TMX2: variants seen among roughly 807,000 people sequenced by gnomAD.
TMX2 encodes the protein thioredoxin related transmembrane protein 2.
In TMX2, 20 loss-of-function variants were observed where a neutral mutation model predicts 33.4. The ratio of observed to expected loss-of-function variants is 0.60; its 90% CI spans 0.42 to 0.87. The LOEUF is 0.87. Among genes scored for constraint, TMX2 ranks in the 40% least tolerant of loss-of-function variants. The probability of loss-of-function intolerance (pLI) is 0.00; values close to 1 mark genes in which losing one functional copy is unlikely to be tolerated. For synonymous variants in TMX2, 166 were observed against 140.7 expected, an observed-to-expected ratio of 1.18 and a Z score of -1.27; for missense variants, 340 against 370.7, an observed-to-expected ratio of 0.92 and a Z score of 0.68.
At chr11:57,733,526 C>T (rs1290208179) in intron 1 of TMX2, among the ~76,000 whole-genome samples, 3 of 151,388 alleles carry the variant, frequency 2.0e-5, no homozygotes, top group Non-Finnish European at 2.9e-5. Flanking sequence ...CAAAGTGCTG[C>T]GATTACAGGC....
intron 1 of TMX2, among the ~76,000 whole-genome samples, chr11:57,736,627 C>G (rs774943607): frequency 6.6e-6 from 1 of 152,028 alleles, no homozygotes; most frequent in African/African-American, 2.4e-5. Flanking sequence ...GTGGCTCACA[C>G]CTGTAATCCC....
chr11:57,716,472 CG>C (rs1947056717), intron 1 of TMX2, among the ~76,000 whole-genome samples: 1 of 120,730 alleles, frequency 8.3e-6, no homozygotes, highest in African/African-American at 3.1e-5. Flanking sequence ...CCGGACGGGG[CG>C]GCTGGCCGGG....
intron 1 of TMX2, among the ~76,000 whole-genome samples, chr11:57,719,886 C>T (rs575864246): frequency 1.3e-5 from 2 of 152,204 alleles, no homozygotes; most frequent in Admixed American, 6.5e-5. Context: ...TTCTCCAAAA[C>T]TGGTTGTTCC....
Position 57,739,171 on chromosome 11 carries a change from A to G in TMX2, c.655A>G (p.Thr219Ala). The part of the protein sequence containing the change: ...STSPLTKQLP[T>A]LILFQGGKEA... ...ATCACCCCTCACCAAGCAACTCCCT[A>G]CCCTGATCCTGTTCCAAGGTGGCAA... Residue 219 changes from threonine (T) to alanine (A), a missense_variant, in exon 7 of 8, where the codon ACC becomes GCC. By Grantham distance (58) the Thr-to-Ala change is moderately conservative. Around this residue, in one of 3 missense-constraint regions of TMX2, gnomAD observed 209 missense variants for 241.6 expected, o/e 0.87. Transcript: ENST00000278422. 6.2e-7 allele frequency: 1 copy of G among 1,614,062 alleles called. No homozygotes were observed. The highest frequency in any genetic ancestry group is 1.1e-5 in the South Asian group (1 of 91,070).
At chr11:57,734,204 C>T (rs1417249342) in intron 1 of TMX2, among the ~76,000 whole-genome samples, 1 of 145,490 alleles carries the variant, frequency 6.9e-6, no homozygotes, top group Non-Finnish European at 1.5e-5. Context: ...CAAGGGCACA[C>T]ACTTTCTTAA....
chr11:57,714,799 G>T (rs192641012), intron 1 of TMX2, among the ~76,000 whole-genome samples: 1 of 151,860 alleles, frequency 6.6e-6, no homozygotes, highest in Non-Finnish European at 1.5e-5. Context: ...TCTTGATGTT[G>T]CCCAGGCTGG....
rs367976242 is a variant in TMX2 at position 57,738,614 on chromosome 11, C to T, written c.442-50C>T. 84 of 1,519,116 alleles carry T rather than the reference C, an allele frequency of 5.5e-5. No homozygotes were observed. The African/African-American group carries it at 1.0e-3, about 18-fold the overall frequency. 94.1% of individuals were successfully genotyped at this position (1,519,116 alleles called of 1,614,324 possible). On this transcript the variant is annotated intron_variant, in intron 4 of 7. Transcript: ENST00000278422. ...AATTAGATGCTAAAGTCTGAACCTT[C>T]CCAGGAGGCTATGTGGATCCAGCTG...
intron 1 of TMX2, among the ~76,000 whole-genome samples, chr11:57,721,767 A>G (rs1016230389): frequency 5.9e-5 from 9 of 152,176 alleles, no homozygotes; most frequent in African/African-American, 2.2e-4. Context: ...AAAATAGGCT[A>G]AGATAGCGAA....
rs60802364 is a variant in TMX2, at chr11:57,734,157, CAAAAAAAAAAAAAAAAAA to C, written c.190-3438_190-3421del. Among the ~76,000 whole-genome samples the C allele has an allele frequency of 4.6e-4, 23 of 49,764 alleles. No homozygotes were observed. In the South Asian group the frequency reaches 0.017, roughly 36 times the overall value. 32.6% of individuals were successfully genotyped at this position (49,764 alleles called of 152,430 possible). On this transcript the variant is annotated intron_variant, in intron 1 of 7. Coordinates refer to ENST00000278422, the MANE Select transcript of TMX2 (RefSeq NM_015959.4). ...CTGGGTGACAGAGAGACCCTGTCTC[CAAAAAAAAAAAAAAAAAA>C]AAAAAAAAAAAAGGACTGCAAGGGC...
intron 1 of TMX2, among the ~76,000 whole-genome samples, chr11:57,726,524 C>G (rs1196616048): frequency 1.3e-5 from 2 of 151,108 alleles, no homozygotes; most frequent in Admixed American, 1.3e-4. Context: ...GAATGCCTGT[C>G]CACATCCATT....
intron 1 of TMX2, among the ~76,000 whole-genome samples, chr11:57,725,886 A>T (rs1257416405): frequency 6.6e-6 from 1 of 152,224 alleles, no homozygotes; most frequent in Non-Finnish European, 1.5e-5. Context: ...TTTTCTGCTT[A>T]CTATAAAATT....
chr11:57,716,725 C>T (rs1461691903), intron 1 of TMX2, among the ~76,000 whole-genome samples: 2 of 148,234 alleles, frequency 1.3e-5, no homozygotes, highest in African/African-American at 5.0e-5. Flanking sequence ...GACTCCCCCA[C>T]CTCCCTCCCG....
Position 57,729,132 on chromosome 11 carries a change from A to T in TMX2, c.190-8476A>T, listed in dbSNP as rs573265801. 3.3e-5 allele frequency among the ~76,000 whole-genome samples: 5 copies of T among 152,240 alleles called. No homozygotes were observed. In the East Asian group the frequency reaches 5.8e-4, roughly 18 times the overall value. ...TCAGCTCCTCTAAGGAGAAAAAAAA[A>T]AGGCGAGAAACAAATCTAAGACTAA... is the stretch of plus-strand genomic sequence containing the variant. On this transcript the variant is annotated intron_variant, in intron 1 of 7. Transcript: ENST00000278422.
At chr11:57,723,898 T>A (rs1365920664) in intron 1 of TMX2, among the ~76,000 whole-genome samples, 36 of 150,834 alleles carry the variant, frequency 2.4e-4, no homozygotes, top group South Asian at 8.3e-4. Flanking sequence ...ATTTTTTTTT[T>A]TTAAAAAGGA....
chr11:57,715,214 A>G (rs2135447457), intron 1 of TMX2, among the ~76,000 whole-genome samples: 1 of 152,166 alleles, frequency 6.6e-6, no homozygotes, highest in Admixed American at 6.6e-5. Flanking sequence ...AGCCTGGCCA[A>G]CATGGTGTAA....
chr11:57,733,247 ATTTTTTTTTT>A (rs71061537), intron 1 of TMX2, among the ~76,000 whole-genome samples: 1 of 74,866 alleles, frequency 1.3e-5, no homozygotes, highest in Non-Finnish European at 2.4e-5. Flanking sequence ...ACAGTGAGGA[ATTTTTTTTTT>A]TTTTTTTTTT....
At chr11:57,718,867 G>A (rs1396168861) in intron 1 of TMX2, among the ~76,000 whole-genome samples, 1 of 150,810 alleles carries the variant, frequency 6.6e-6, no homozygotes, top group East Asian at 2.0e-4. Context: ...TGTTGGCCTG[G>A]CTTGTCTCTT....
At chr11:57,720,552 C>T (rs1268088405) in intron 1 of TMX2, among the ~76,000 whole-genome samples, 2 of 152,196 alleles carry the variant, frequency 1.3e-5, no homozygotes, top group African/African-American at 4.8e-5. Context: ...AGGCGTGTGC[C>T]ATCACACACG....
At chr11:57,717,755 G>GGAGAGGGGAGAGGGGAGGGGC (rs1565214413) in intron 1 of TMX2, among the ~76,000 whole-genome samples, 1 of 145,580 alleles carries the variant, frequency 6.9e-6, no homozygotes, top group East Asian at 2.1e-4. Flanking sequence ...AGGGGAGAGG[G>GGAGAGGGGAGAGGGGAGGGGC]AGAGGCAGAG....
Sources: allele counts gnomAD v4.1 joint callset (sites outside exome capture counted in the v4.1 genomes callset), GRCh38; gene constraint gnomAD v4.1.1; regional missense constraint gnomAD v4.1.1; transcripts MANE v1.5; gene names NCBI Gene and HGNC (gene_info 2026-07-23, HGNC 2026-07-21).